The following SLC22A4 variants were observed in gnomAD, a reference collection of about 807,000 sequenced individuals.
SLC22A4 encodes the protein solute carrier family 22 member 4, also known as ET transporter.
Under a neutral mutation model 56.6 loss-of-function variants are expected in SLC22A4, and 39 were observed. The ratio of observed to expected loss-of-function variants is 0.69; its 90% CI spans 0.53 to 0.90. SLC22A4 has a LOEUF of 0.90. Among genes scored for constraint, SLC22A4 ranks in the 40% least tolerant of loss-of-function variants. The pLI is 0.00. For missense variants in SLC22A4, 594 were observed against 696.5 expected (o/e 0.85, Z 1.66); for synonymous variants, 241 against 281.4 (o/e 0.86, Z 1.44).
chr5:132,308,364 A>AT (rs754207283), intron 1 of SLC22A4, among the ~76,000 whole-genome samples: 65 of 130,846 alleles, frequency 5.0e-4, no homozygotes, highest in Non-Finnish European at 7.2e-4. Flanking sequence ...TGAATCAATG[A>AT]TTAAGCAATT....
intron 1 of SLC22A4, chr5:132,295,425 TC>T (rs1371498197): frequency 7.4e-6 from 3 of 405,034 alleles, no homozygotes; most frequent in South Asian, 3.8e-5. Flanking sequence ...TCTTGTCTGT[TC>T]CCTGGCCACA....
At chr5:132,323,715 CCTT>C (rs1330070548) in intron 4 of SLC22A4, among the ~76,000 whole-genome samples, 1 of 152,152 alleles carries the variant, frequency 6.6e-6, no homozygotes, top group African/African-American at 2.4e-5. Context: ...CATCATCTGT[CCTT>C]CTCTCCACAA....
At chr5:132,304,012 C>A (rs1475308993) in intron 1 of SLC22A4, among the ~76,000 whole-genome samples, 1 of 152,140 alleles carries the variant, frequency 6.6e-6, no homozygotes, top group Non-Finnish European at 1.5e-5. Context: ...TAGTGGTAAG[C>A]AACTAAAAGG....
At chr5:132,322,117 A>G in intron 3 of SLC22A4, 67 bp from the exon 4 acceptor site, 1 of 1,408,258 alleles carries the variant, frequency 7.1e-7, no homozygotes. Context: ...TAACTGCCAC[A>G]TAATGATATA....
chr5:132,331,767 C>T lies in SLC22A4; in HGVS notation c.963C>T (p.Pro321=), dbSNP rs200185233. 3 of 1,612,768 alleles carry T rather than the reference C, an allele frequency of 1.9e-6. No individual in the cohort carries two copies. In the African/African-American group the frequency reaches 4.0e-5, roughly 22 times the overall value. ...VIFDSVEELN[P]LKQQKAFILD... The stretch of plus-strand genomic sequence containing the variant: ...TATTTTGGTTACAGGAGCTAAATCC[C>T]CTGAAGCAGCAGAAAGCTTTCATTC... The change falls in exon 6 of 10, where the codon CCC becomes CCT. Residue 321 remains proline, a synonymous_variant. Transcript: ENST00000200652.
intron 1 of SLC22A4, among the ~76,000 whole-genome samples, chr5:132,304,847 T>C (rs1004567635): frequency 7.2e-5 from 11 of 152,222 alleles, no homozygotes; most frequent in African/African-American, 2.7e-4. Context: ...GCAGCCATTA[T>C]AAATATGTTC....
chr5:132,315,867 G>T (rs1750336990), intron 3 of SLC22A4, among the ~76,000 whole-genome samples: 1 of 152,182 alleles, frequency 6.6e-6, no homozygotes, highest in African/African-American at 2.4e-5. Context: ...GACTCGTTGT[G>T]TTGGGTTCTC....
intron 1 of SLC22A4, among the ~76,000 whole-genome samples, chr5:132,301,933 T>C (rs1376684359): frequency 6.6e-6 from 1 of 152,226 alleles, no homozygotes. Flanking sequence ...TACTCAGACC[T>C]GCCCTCTGGC....
chr5:132,329,078 G>A (rs1425617093), intron 5 of SLC22A4, among the ~76,000 whole-genome samples: 1 of 151,748 alleles, frequency 6.6e-6, no homozygotes, highest in Non-Finnish European at 1.5e-5. Flanking sequence ...TGGGACTACA[G>A]GCACTTGCCA....
chr5:132,306,201 C>A (rs1272094435), intron 1 of SLC22A4, among the ~76,000 whole-genome samples: 2 of 151,346 alleles, frequency 1.3e-5, no homozygotes, highest in African/African-American at 4.9e-5. Context: ...TATATACTTA[C>A]CGTATGACCC....
At position 132,294,645 on chromosome 5, in the gene SLC22A4, T is replaced by C; in HGVS notation, c.29T>C (p.Phe10Ser). The change falls in exon 1 of 10, where the codon TTC becomes TCC. Residue 10 changes from phenylalanine to serine, a missense_variant. Physicochemically the swap from Phe to Ser is radical, Grantham distance 155. Coordinates refer to ENST00000200652, the MANE Select transcript of SLC22A4 (RefSeq NM_003059.3). The surrounding 1 kb of genome is among the most constrained non-coding windows in gnomAD (Gnocchi z 5.6). ...CGGGACTACGACGAGGTGATCGCCTTCCTGGGCGAGTGGGGGCCCTTCCAG... is the reference window on the plus strand; with the variant it reads ...CGGGACTACGACGAGGTGATCGCCTCCCTGGGCGAGTGGGGGCCCTTCCAG... Reference protein sequence around the residue: MRDYDEVIAFLGEWGPFQRL... With the variant: MRDYDEVIASLGEWGPFQRL... 1 of 1,614,162 alleles carries C rather than the reference T, an allele frequency of 6.2e-7. No individual in the cohort carries two copies. The highest frequency in any genetic ancestry group is 8.5e-7 in the Non-Finnish European group (1 of 1,180,028).
At chr5:132,325,569 C>G (rs1750665743) in intron 4 of SLC22A4, among the ~76,000 whole-genome samples, 1 of 152,166 alleles carries the variant, frequency 6.6e-6, no homozygotes, top group Non-Finnish European at 1.5e-5. Flanking sequence ...GCTGGTTGGT[C>G]ATTTGTTTTG....
chr5:132,334,417 T>G (rs138178082), intron 6 of SLC22A4, among the ~76,000 whole-genome samples: 2 of 152,184 alleles, frequency 1.3e-5, no homozygotes, highest in Non-Finnish European at 2.9e-5. Flanking sequence ...TTGTTGAATA[T>G]TGGTATATCT....
chr5:132,294,835 C>T lies in SLC22A4; in HGVS notation c.219C>T (p.Asp73=), dbSNP rs774343391. The T allele has an allele frequency of 1.9e-6, 3 of 1,610,216 alleles. No homozygotes were observed. Among genetic ancestry groups the T allele is most frequent in the South Asian group, 2.2e-5 (2 of 90,952 alleles). The stretch of plus-strand genomic sequence containing the variant: ...ACAGTGTCCCGCTGCGGCTGCGGGA[C>T]GGCCGCGAGGTGCCCCACAGCTGCA... ...RNNSVPLRLR[D]GREVPHSCSR... Residue 73 remains aspartate, a synonymous_variant, in exon 1 of 10, where the codon GAC becomes GAT. Coordinates refer to ENST00000200652, the MANE Select transcript of SLC22A4 (RefSeq NM_003059.3). This position sits in a 1 kb window ranked among gnomAD's most constrained non-coding sequence, Gnocchi z 5.6.
chr5:132,309,908 G>C (rs1240024333), intron 1 of SLC22A4, among the ~76,000 whole-genome samples: 1 of 152,220 alleles, frequency 6.6e-6, no homozygotes, highest in African/African-American at 2.4e-5. Context: ...ATATTTGACA[G>C]ACTACAAAGG....
In SLC22A4 at chr5:132,294,473, C is replaced by T. The variant is rs1392862309; in HGVS notation, c.-144C>T. On this transcript the variant is annotated 5_prime_UTR_variant, in exon 1 of 10. Transcript: ENST00000200652. This position sits in a 1 kb window ranked among gnomAD's most constrained non-coding sequence, Gnocchi z 5.6. The stretch of plus-strand genomic sequence containing the variant: ...TCAGCCTGTTTCCCAGGAACGGTCC[C>T]CGGCTTCGCGCCCCAATTTCTAACA... 1.7e-6 allele frequency: 2 copies of T among 1,190,430 alleles called. No homozygotes were observed. The highest frequency in any genetic ancestry group is 1.5e-5 in the African/African-American group (1 of 66,642). 73.7% of individuals were successfully genotyped at this position (1,190,430 alleles called of 1,614,324 possible). A position where few individuals can be genotyped will look rare whatever the true frequency, so the allele number is the denominator to read the frequency against.
At chr5:132,321,769 G>C (rs563623757) in intron 3 of SLC22A4, among the ~76,000 whole-genome samples, 1 of 152,080 alleles carries the variant, frequency 6.6e-6, no homozygotes, top group South Asian at 2.1e-4. Context: ...TTAGCCAGGC[G>C]TGGTGGTGCA....
intron 1 of SLC22A4, among the ~76,000 whole-genome samples, chr5:132,299,603 G>T (rs1211964784): frequency 6.7e-6 from 1 of 150,060 alleles, no homozygotes; most frequent in Admixed American, 6.6e-5. Flanking sequence ...CTAGTTTTTT[G>T]TTTGTTTGTT....
chr5:132,294,568 A>T lies in SLC22A4; in HGVS notation c.-49A>T, dbSNP rs768845505. The T allele has an allele frequency of 1.2e-5, 20 of 1,613,276 alleles. No individual in the cohort carries two copies. In the Admixed American group the frequency reaches 3.0e-4, roughly 24 times the overall value. ...CCCAGCTACAAGACACTGTCCTGAG[A>T]ACGCTGTCATCACCCGTAGTTGCAA... On this transcript the variant is annotated 5_prime_UTR_variant, in exon 1 of 10. Transcript: ENST00000200652. This position sits in a 1 kb window ranked among gnomAD's most constrained non-coding sequence, Gnocchi z 5.6.
Sources: gnomAD v4.1 joint callset for allele counts (sites outside exome capture counted in the v4.1 genomes callset) on GRCh38, gnomAD v4.1.1 for gene constraint, Gnocchi (gnomAD v3.1) non-coding constraint, MANE v1.5 for transcripts, NCBI Gene and HGNC (gene_info 2026-07-23, HGNC 2026-07-21) for gene names.